KIAA0825: variants seen among roughly 807,000 people sequenced by gnomAD.
The protein encoded by KIAA0825 is KIAA0825, also known as uncharacterized protein KIAA0825.
KIAA0825 carries 119 observed loss-of-function variants against 147.6 expected under a neutral mutation model. The ratio of observed to expected loss-of-function variants is 0.81; its 90% confidence interval spans 0.69 to 0.94. The LOEUF is 0.94. Ranked by LOEUF, KIAA0825 falls within the 40% of genes least tolerant of loss-of-function variation. KIAA0825 has a pLI of 0.00. For missense variants in KIAA0825, 1,381 were observed against 1,472.7 expected, an observed-to-expected ratio of 0.94 and a Z score of 1.02; for synonymous variants, 470 against 518.1, an observed-to-expected ratio of 0.91 and a Z score of 1.26.
At chr5:94,432,101 T>C (rs4869212) in intron 14 of KIAA0825, among the ~76,000 whole-genome samples, 1 of 152,238 alleles carries the variant, frequency 6.6e-6, no homozygotes, top group African/African-American at 2.4e-5. Context: ...AAGTAAATTG[T>C]CTTTTTATAA....
chr5:94,453,933 ATAAT>A (rs1758758811), intron 12 of KIAA0825, among the ~76,000 whole-genome samples: 1 of 151,978 alleles, frequency 6.6e-6, no homozygotes, highest in Non-Finnish European at 1.5e-5. Flanking sequence ...ATTAGAATTT[ATAAT>A]TAATTTTTTA....
chr5:94,264,816 T>C, intron 20 of KIAA0825, among the ~76,000 whole-genome samples: 1 of 150,304 alleles, frequency 6.7e-6, no homozygotes, highest in African/African-American at 2.5e-5. Context: ...AGGGTCTTGC[T>C]CTGTCTCCCA....
At chr5:94,397,695 A>G (rs1241104623) in intron 16 of KIAA0825, among the ~76,000 whole-genome samples, 3 of 152,152 alleles carry the variant, frequency 2.0e-5, no homozygotes, top group African/African-American at 7.2e-5. Flanking sequence ...ACTAGATGTC[A>G]GTAGCATTCC....
chr5:94,252,517 C>G (rs543095915), intron 20 of KIAA0825, among the ~76,000 whole-genome samples: 1 of 151,772 alleles, frequency 6.6e-6, no homozygotes, highest in African/African-American at 2.4e-5. Flanking sequence ...GCATTGTTCA[C>G]AAAATTAAAA....
intron 1 of KIAA0825, among the ~76,000 whole-genome samples, chr5:94,616,442 A>G (rs1052538054): frequency 6.6e-6 from 1 of 152,200 alleles, no homozygotes; most frequent in Non-Finnish European, 1.5e-5. Context: ...ACGTGAGTGG[A>G]ACAGCACAGT....
chr5:94,603,405 T>C (rs950998475), intron 1 of KIAA0825, among the ~76,000 whole-genome samples: 4 of 152,164 alleles, frequency 2.6e-5, no homozygotes, highest in African/African-American at 9.7e-5. Context: ...ATACCTGCCT[T>C]ACAAGAGCTA....
intron 1 of KIAA0825, among the ~76,000 whole-genome samples, chr5:94,612,914 C>G (rs770904823): frequency 1.3e-5 from 2 of 152,054 alleles, no homozygotes; most frequent in Admixed American, 1.3e-4. Context: ...TGCTTGTGTA[C>G]CTACACACAG....
chr5:94,452,921 A>G (rs1407844199), intron 13 of KIAA0825, 38 bp downstream of exon 13: 6 of 1,038,598 alleles, frequency 5.8e-6, no homozygotes, highest in Non-Finnish European at 6.7e-6. Context: ...AAAAGGAATC[A>G]TAGAATTATA....
At position 94,436,085 on chromosome 5, in the gene KIAA0825, C is replaced by T. The variant is rs149803068; in HGVS notation, c.2497+3897G>A. Among the ~76,000 whole-genome samples the T allele has an allele frequency of 1.4e-4, 22 of 152,210 alleles. No individual in the cohort carries two copies. The East Asian group carries it at 3.1e-3, about 21-fold the overall frequency. On this transcript the variant is annotated intron_variant, in intron 14 of 20. Transcript: ENST00000682413. Reference sequence around the variant, plus strand: ...TCCCATTCTATAGGTTGTCTGTTTACTCTGTTGACAGCTTCTTTTGCTGTG... The same window carrying T: ...TCCCATTCTATAGGTTGTCTGTTTATTCTGTTGACAGCTTCTTTTGCTGTG...
intron 5 of KIAA0825, among the ~76,000 whole-genome samples, chr5:94,494,060 C>T (rs1374516726): frequency 6.6e-6 from 1 of 152,106 alleles, no homozygotes; most frequent in East Asian, 1.9e-4. Flanking sequence ...GATAGAGTCA[C>T]CCTGAAGCTA....
intron 1 of KIAA0825, among the ~76,000 whole-genome samples, chr5:94,583,886 G>A (rs1267633802): frequency 3.9e-5 from 6 of 152,252 alleles, no homozygotes; most frequent in African/African-American, 7.2e-5. Context: ...ATACACAGGC[G>A]AACAGGATCT....
At chr5:94,440,468 C>A (rs1241022912) in intron 13 of KIAA0825, among the ~76,000 whole-genome samples, 1 of 152,086 alleles carries the variant, frequency 6.6e-6, no homozygotes, top group Non-Finnish European at 1.5e-5. Context: ...CCAAATATAT[C>A]AATGCCTACT....
At chr5:94,577,946 C>A (rs1317468966) in intron 2 of KIAA0825, among the ~76,000 whole-genome samples, 5 of 152,158 alleles carry the variant, frequency 3.3e-5, no homozygotes, top group Non-Finnish European at 5.9e-5. Context: ...ACACTTTGAA[C>A]TAATTGCACT....
chr5:94,206,327 G>T (rs1772196558), intron 20 of KIAA0825, among the ~76,000 whole-genome samples: 1 of 151,968 alleles, frequency 6.6e-6, no homozygotes, highest in African/African-American at 2.4e-5. Flanking sequence ...GTTTTCTAGA[G>T]GCTGTGTTGT....
intron 20 of KIAA0825, among the ~76,000 whole-genome samples, chr5:94,179,990 A>C (rs1769459259): frequency 1.3e-5 from 2 of 152,112 alleles, no homozygotes; most frequent in South Asian, 4.1e-4. Context: ...CAATTGCCAC[A>C]CAATGGATGC....
chr5:94,252,881 ATAAT>A (rs1776037013), intron 20 of KIAA0825, among the ~76,000 whole-genome samples: 1 of 152,098 alleles, frequency 6.6e-6, no homozygotes, highest in Admixed American at 6.6e-5. Context: ...ATTCACCTGA[ATAAT>A]TAACCTTTAC....
chr5:94,159,798 T>C (rs1007350073), intron 20 of KIAA0825, among the ~76,000 whole-genome samples: 4 of 152,164 alleles, frequency 2.6e-5, no homozygotes, highest in African/African-American at 9.7e-5. Flanking sequence ...GTATTTCTCC[T>C]GCGATAACCA....
At chr5:94,276,703 A>G (rs1207475832) in intron 20 of KIAA0825, among the ~76,000 whole-genome samples, 1 of 152,026 alleles carries the variant, frequency 6.6e-6, no homozygotes, top group African/African-American at 2.4e-5. Context: ...ATTGATTAAG[A>G]TTTAATTCTT....
intron 2 of KIAA0825, among the ~76,000 whole-genome samples, chr5:94,538,694 T>C (rs1716397229): frequency 6.6e-6 from 1 of 152,234 alleles, no homozygotes; most frequent in Non-Finnish European, 1.5e-5. Context: ...AAGGACTAGG[T>C]TGATACATAT....
Sources: gnomAD v4.1 joint callset for allele counts (sites outside exome capture counted in the v4.1 genomes callset) on GRCh38, gnomAD v4.1.1 for gene constraint, MANE v1.5 for transcripts, NCBI Gene and HGNC (gene_info 2026-07-23, HGNC 2026-07-21) for gene names.